Variants in TUBB8B observed in about 807,000 individuals in gnomAD.
TUBB8B encodes the protein HSA18p11 beta-tubulin 4Q pseudogene.
A neutral mutation model predicts 31.9 loss-of-function variants in TUBB8B; 26 were observed. The ratio of observed to expected loss-of-function variants is 0.81; its 90% CI spans 0.60 to 1.13. TUBB8B has a LOEUF of 1.13. Ranked by LOEUF, TUBB8B falls within the 50% of genes most tolerant of loss-of-function variation. TUBB8B has a pLI of 0.00. For missense variants in TUBB8B, 467 were observed against 586.7 expected (o/e 0.80, Z 2.11); for synonymous variants, 173 against 231.0 (o/e 0.75, Z 2.28).
At chr18:61,255 T>A in the TUBB8B span, among the ~76,000 whole-genome samples, 1 of 151,656 alleles carries the variant, frequency 6.6e-6, no homozygotes, top group Non-Finnish European at 1.5e-5. Context: ...TTGTATGGTA[T>A]AAGTAAAGCT....
chr18:54,786 G>A, the TUBB8B span, among the ~76,000 whole-genome samples: 1 of 151,852 alleles, frequency 6.6e-6, no homozygotes, highest in Non-Finnish European at 1.5e-5. Flanking sequence ...TCTGTTGATG[G>A]ACATTTAGGT....
chr18:59,316 A>C, the TUBB8B span, among the ~76,000 whole-genome samples: 6 of 151,690 alleles, frequency 4.0e-5, 1 homozygote, highest in Admixed American at 3.9e-4. Context: ...GTTGAATTAC[A>C]GCGGTAAAAG....
chr18:64,135 C>T, the TUBB8B span, among the ~76,000 whole-genome samples: 4 of 152,118 alleles, frequency 2.6e-5, no homozygotes, highest in East Asian at 7.8e-4. Context: ...AACCATCTAA[C>T]CCTTCTCCAT....
the TUBB8B span, among the ~76,000 whole-genome samples, chr18:56,565 T>C: frequency 7.9e-5 from 12 of 152,060 alleles, 2 homozygotes; most frequent in South Asian, 2.5e-3. Flanking sequence ...ACACATTTTG[T>C]TTTATTTGTG....
At position 49,521 on chromosome 18, in the gene TUBB8B, C is replaced by T. The variant is rs1438106680; in HGVS notation, c.37G>A (p.Gly13Arg). ...CCAACCTTGGCGCCGATCTGGTTCC[C>T]GCACTGCCCGGTCTGCGTGAGCACG... ...EIVLTQTGQCGNQIGAKFWEV... is the reference protein window; with the variant it reads ...EIVLTQTGQCRNQIGAKFWEV... The change falls in exon 1 of 4, where the codon GGG becomes AGG. Residue 13 changes from glycine (G) to arginine (R), a missense_variant. Gly to Arg is a moderately radical substitution (Grantham distance 125, BLOSUM62 -2). Coordinates refer to ENST00000308911, the MANE Select transcript of TUBB8B (RefSeq NM_001358689.2). 7 of 949,378 alleles carry T rather than the reference C, an allele frequency of 7.4e-6. No individual in the cohort carries two copies. Among genetic ancestry groups the T allele is most frequent in the Admixed American group, 2.1e-5 (1 of 47,096 alleles). The allele number at this position is 949,378 out of a possible 1,614,324, so 58.8% of individuals were successfully genotyped here. A position where few individuals can be genotyped will look rare whatever the true frequency, so the allele number is the denominator to read the frequency against.
the TUBB8B span, among the ~76,000 whole-genome samples, chr18:72,177 C>CAAAAAAAAAAAA: frequency 2.5e-4 from 20 of 78,748 alleles, no homozygotes; most frequent in South Asian, 6.2e-4. Flanking sequence ...GACTCCATCT[C>CAAAAAAAAAAAA]AAAAAAAAAA....
chr18:66,470 G>A, the TUBB8B span, among the ~76,000 whole-genome samples: 1 of 146,614 alleles, frequency 6.8e-6, no homozygotes. Flanking sequence ...AGGATCACTT[G>A]AGCCCCGGAG....
At chr18:68,515 G>C in the TUBB8B span, among the ~76,000 whole-genome samples, 1 of 152,120 alleles carries the variant, frequency 6.6e-6, no homozygotes, top group African/African-American at 2.4e-5. Flanking sequence ...ACTCCCAGCT[G>C]GGTCTGCCCC....
chr18:58,634 C>G, the TUBB8B span, among the ~76,000 whole-genome samples: 1 of 151,674 alleles, frequency 6.6e-6, no homozygotes, highest in Admixed American at 6.6e-5. Flanking sequence ...TCTCAACTTT[C>G]CCTCATTTTT....
chr18:66,810 C>T, the TUBB8B span, among the ~76,000 whole-genome samples: 3 of 151,980 alleles, frequency 2.0e-5, no homozygotes, highest in African/African-American at 7.2e-5. Flanking sequence ...GCCAAAAGGA[C>T]GTGGGGATTG....
chr18:48,629 A>C, intron 3 of TUBB8B, 182 bp from the exon 4 acceptor site: 1 of 682,444 alleles, frequency 1.5e-6, no homozygotes, highest in South Asian at 1.7e-5. Context: ...TTAGAAATTA[A>C]GACAGGAGTC....
the TUBB8B span, among the ~76,000 whole-genome samples, chr18:61,159 T>C: frequency 2.6e-5 from 4 of 151,682 alleles, no homozygotes; most frequent in African/African-American, 7.2e-5. Flanking sequence ...ATATTTCTTA[T>C]TATATCCTCT....
chr18:52,706 A>G (rs1466772574), upstream of TUBB8B, among the ~76,000 whole-genome samples: 1 of 151,922 alleles, frequency 6.6e-6, no homozygotes, highest in Admixed American at 6.6e-5. Context: ...GGGTCCTGAT[A>G]CAGACCACAA....
At chr18:51,881 C>T (rs574404503), upstream of TUBB8B, among the ~76,000 whole-genome samples, 2 of 151,802 alleles carry the variant, frequency 1.3e-5, no homozygotes, top group African/African-American at 4.8e-5. Flanking sequence ...AATTACCCAG[C>T]CTCAGATATG....
the TUBB8B span, among the ~76,000 whole-genome samples, chr18:60,965 G>A: frequency 2.6e-5 from 4 of 151,640 alleles, no homozygotes; most frequent in African/African-American, 7.3e-5. Context: ...ATATCTATTA[G>A]GTTCATTTGT....
the TUBB8B span, among the ~76,000 whole-genome samples, chr18:64,317 T>C: frequency 6.6e-6 from 1 of 152,156 alleles, no homozygotes; most frequent in Non-Finnish European, 1.5e-5. Flanking sequence ...CATACTGAAA[T>C]GTCATCTGAT....
chr18:62,730 T>A, the TUBB8B span, among the ~76,000 whole-genome samples: 1,527 of 151,974 alleles, frequency 0.01, 35 homozygotes, highest in Non-Finnish European at 0.015. Context: ...CAATAAATGT[T>A]TAGCTCTTAT....
At position 47,666 on chromosome 18, in the gene TUBB8B, G is replaced by T. The variant is rs763497146; in HGVS notation, c.1059C>A (p.Val353=). ...DWFPDNVKTA[V]CDIPPRGLKM... ...TTAGCCCCCGGGGTGGGATGTCACA[G>T]ACGGCTGTTTTTACGTTGTCGGGGA... Residue 353 remains valine (V), a synonymous_variant, in exon 4 of 4, where the codon GTC becomes GTA. Transcript: ENST00000308911. 7 of 1,612,384 alleles carry T rather than the reference G, an allele frequency of 4.3e-6. No homozygotes were observed. In the East Asian group the frequency reaches 1.1e-4, roughly 26 times the overall value.
Position 47,271 on chromosome 18 carries a change from C to G in TUBB8B, c.*119G>C, listed in dbSNP as rs1258848263. On this transcript the variant is annotated 3_prime_UTR_variant, in exon 4 of 4. Coordinates refer to ENST00000308911, the MANE Select transcript of TUBB8B (RefSeq NM_001358689.2). ...GTCAAAACCGCATACTATAAAAATG[C>G]TTTAAAACGCAGCAGGAGATGTGAA... 1.7e-6 allele frequency: 1 copy of G among 574,286 alleles called. No homozygotes were observed. The highest frequency in any genetic ancestry group is 2.3e-5 in the African/African-American group (1 of 43,436). The allele number at this position is 574,286 out of a possible 1,614,324, so 35.6% of individuals were successfully genotyped here. A position where few individuals can be genotyped will look rare whatever the true frequency, so the allele number is the denominator to read the frequency against.
Sources: gnomAD v4.1 joint callset for allele counts (sites outside exome capture counted in the v4.1 genomes callset) on GRCh38, gnomAD v4.1.1 for gene constraint, MANE v1.5 for transcripts, NCBI Gene and HGNC (gene_info 2026-07-23, HGNC 2026-07-21) for gene names.